Variants in LIN7A observed in about 807,000 individuals in gnomAD.
LIN7A encodes lin-7 cell polarity scaffold A.
A neutral mutation model predicts 29.8 loss-of-function variants in LIN7A; 25 were observed. The ratio of observed to expected loss-of-function variants is 0.84; its 90% confidence interval spans 0.61 to 1.17. LIN7A has a LOEUF of 1.17. LIN7A is among the 50% of genes most tolerant of loss of function. The pLI is 0.00. For missense variants in LIN7A, 239 were observed against 287.0 expected (o/e 0.83, Z 1.21); for synonymous variants, 118 against 107.5 (o/e 1.10, Z -0.60).
chr12:80,931,476 A>G (rs1324046689), intron 1 of LIN7A, among the ~76,000 whole-genome samples: 1 of 152,060 alleles, frequency 6.6e-6, no homozygotes, highest in Non-Finnish European at 1.5e-5. Context: ...ACCCGTCTCT[A>G]TTAAAAAATA....
At chr12:80,904,315 A>C (rs180736892) in intron 1 of LIN7A, among the ~76,000 whole-genome samples, 110 of 152,260 alleles carry the variant, frequency 7.2e-4, no homozygotes, top group African/African-American at 2.6e-3. Flanking sequence ...TGGTGAGAAC[A>C]CTTAAAATCT....
chr12:80,851,028 G>A (rs1873305387), intron 2 of LIN7A, among the ~76,000 whole-genome samples: 1 of 152,138 alleles, frequency 6.6e-6, no homozygotes, highest in Non-Finnish European at 1.5e-5. Flanking sequence ...ATTTGATACA[G>A]CAACTCATCT....
chr12:80,933,450 A>G (rs1414559393), intron 1 of LIN7A, among the ~76,000 whole-genome samples: 3 of 152,188 alleles, frequency 2.0e-5, no homozygotes, highest in Non-Finnish European at 2.9e-5. Flanking sequence ...ACCAAAACGT[A>G]GTTTAAATTT....
chr12:80,937,602 AG>A, intron 1 of LIN7A, 38 bp downstream of exon 1: 1 of 1,368,768 alleles, frequency 7.3e-7, no homozygotes, highest in Non-Finnish European at 9.8e-7. Flanking sequence ...AGGAGGGGAG[AG>A]GGGACGCGGT....
At chr12:80,880,751 GCACA>G (rs202207302) in intron 2 of LIN7A, among the ~76,000 whole-genome samples, 10,376 of 136,214 alleles carry the variant, frequency 0.076, 565 homozygotes, top group Admixed American at 0.18. Context: ...AGGAGGCAAC[GCACA>G]CACACACACA....
intron 2 of LIN7A, among the ~76,000 whole-genome samples, chr12:80,851,340 A>G (rs1028883778): frequency 2.6e-5 from 4 of 151,714 alleles, no homozygotes; most frequent in Non-Finnish European, 2.9e-5. Flanking sequence ...GAATGAATCC[A>G]ATATAATTGC....
chr12:80,842,766 G>A (rs891307521), intron 4 of LIN7A, among the ~76,000 whole-genome samples: 3 of 152,036 alleles, frequency 2.0e-5, no homozygotes, highest in African/African-American at 7.2e-5. Context: ...AAGTCACTGG[G>A]TCATGAAGTC....
chr12:80,832,992 C>T (rs922092923), intron 4 of LIN7A, among the ~76,000 whole-genome samples: 4 of 152,040 alleles, frequency 2.6e-5, no homozygotes, highest in Admixed American at 2.6e-4. Flanking sequence ...AAAGAATTAT[C>T]CCATTCAAAA....
intron 1 of LIN7A, among the ~76,000 whole-genome samples, chr12:80,904,244 T>C (rs959155346): frequency 6.6e-6 from 1 of 152,182 alleles, no homozygotes; most frequent in Non-Finnish European, 1.5e-5. Context: ...GCACATACTA[T>C]GGAATGGCCA....
intron 1 of LIN7A, among the ~76,000 whole-genome samples, chr12:80,890,146 GA>G (rs1875548374): frequency 6.6e-6 from 1 of 152,114 alleles, no homozygotes; most frequent in Non-Finnish European, 1.5e-5. Flanking sequence ...AATGTATCAA[GA>G]AACATGTAGT....
chr12:80,825,457 C>T (rs942471983), intron 4 of LIN7A, among the ~76,000 whole-genome samples: 1 of 152,162 alleles, frequency 6.6e-6, no homozygotes, highest in African/African-American at 2.4e-5. Flanking sequence ...GTGTTGTGTA[C>T]TGGGATACTG....
At chr12:80,918,250 G>A (rs952005581) in intron 1 of LIN7A, among the ~76,000 whole-genome samples, 2 of 151,230 alleles carry the variant, frequency 1.3e-5, no homozygotes, top group African/African-American at 4.9e-5. Flanking sequence ...TTTTTTTGTA[G>A]TGATGAGGCT....
At chr12:80,874,338 C>G (rs1035534536) in intron 2 of LIN7A, among the ~76,000 whole-genome samples, 1 of 152,044 alleles carries the variant, frequency 6.6e-6, no homozygotes, top group Non-Finnish European at 1.5e-5. Context: ...TGTGGTAGAT[C>G]CAGAAATACA....
At chr12:80,854,790 T>C (rs113764518) in intron 2 of LIN7A, among the ~76,000 whole-genome samples, 1 of 152,038 alleles carries the variant, frequency 6.6e-6, no homozygotes, top group African/African-American at 2.4e-5. Flanking sequence ...AAGCAAAAAA[T>C]ATTTTTTAAG....
At chr12:80,913,774 C>T (rs978849002) in intron 1 of LIN7A, among the ~76,000 whole-genome samples, 1 of 152,152 alleles carries the variant, frequency 6.6e-6, no homozygotes, top group African/African-American at 2.4e-5. Flanking sequence ...GTTGCCACAG[C>T]TTTTCTTCAA....
intron 1 of LIN7A, among the ~76,000 whole-genome samples, chr12:80,907,523 T>C (rs914821740): frequency 2.6e-5 from 4 of 152,212 alleles, no homozygotes; most frequent in Admixed American, 6.5e-5. Context: ...TTGTTTAATT[T>C]ATCTCAGCTT....
At chr12:80,878,245 C>A (rs1874820622) in intron 2 of LIN7A, among the ~76,000 whole-genome samples, 1 of 152,100 alleles carries the variant, frequency 6.6e-6, no homozygotes, top group Non-Finnish European at 1.5e-5. Context: ...CAGAAAGTGA[C>A]AAGTTGATGT....
chr12:80,843,885 G>A (rs1000847547), intron 4 of LIN7A, among the ~76,000 whole-genome samples: 17 of 151,916 alleles, frequency 1.1e-4, no homozygotes, highest in Middle Eastern at 6.3e-3. Flanking sequence ...TATGAAATGC[G>A]TACAGTGTGT....
intron 1 of LIN7A, among the ~76,000 whole-genome samples, chr12:80,930,384 G>T (rs1255679349): frequency 1.3e-5 from 2 of 151,862 alleles, no homozygotes; most frequent in Non-Finnish European, 2.9e-5. Context: ...GAATAAACCA[G>T]AACTAAGGCA....
Sources: allele counts gnomAD v4.1 joint callset (sites outside exome capture counted in the v4.1 genomes callset), GRCh38; gene constraint gnomAD v4.1.1; transcripts MANE v1.5; gene names NCBI Gene and HGNC (gene_info 2026-07-23, HGNC 2026-07-21).